The following OVCH1 variants were observed in gnomAD, a reference collection of about 807,000 sequenced individuals.
OVCH1 encodes ovochymase 1.
In OVCH1, 139 loss-of-function variants were observed where a neutral mutation model predicts 138.4. The observed-to-expected ratio is 1.00, with a 90% CI of 0.87 to 1.16. OVCH1 has a LOEUF of 1.16. Among genes scored for constraint, OVCH1 ranks in the 50% most tolerant of loss-of-function variants. OVCH1 has a pLI of 0.00. For missense variants in OVCH1, 1,367 were observed against 1,357.9 expected, an observed-to-expected ratio of 1.01 and a Z score of -0.11; for synonymous variants, 453 against 467.8, an observed-to-expected ratio of 0.97 and a Z score of 0.41.
chr12:29,492,331 A>G (rs1159251762), intron 4 of OVCH1, among the ~76,000 whole-genome samples: 1 of 148,300 alleles, frequency 6.7e-6, no homozygotes, highest in East Asian at 1.9e-4. Context: ...AGTTTCATAA[A>G]AAAAAAAAAT....
At chr12:29,495,516 T>C in intron 3 of OVCH1, 59 bp from the exon 4 acceptor site, 1 of 1,440,322 alleles carries the variant, frequency 6.9e-7, no homozygotes, top group Non-Finnish European at 9.5e-7. Context: ...GTCTTCTTGG[T>C]TTGATGTAAT....
At chr12:29,458,667 C>T (rs1226065869) in intron 19 of OVCH1, among the ~76,000 whole-genome samples, 1 of 152,140 alleles carries the variant, frequency 6.6e-6, no homozygotes, top group East Asian at 1.9e-4. Flanking sequence ...TGTTAAAAAT[C>T]TTCTGCACTG....
At chr12:29,476,138 G>A (rs747223788) in intron 13 of OVCH1, 68 bp downstream of exon 13, 138 of 1,280,918 alleles carry the variant, frequency 1.1e-4, no homozygotes, top group Non-Finnish European at 1.4e-4. Flanking sequence ...ACCCAAGGAA[G>A]CCAGCCCATG....
chr12:29,488,816 A>G (rs143354247), intron 6 of OVCH1, among the ~76,000 whole-genome samples: 356 of 152,162 alleles, frequency 2.3e-3, no homozygotes, highest in African/African-American at 8.0e-3. Flanking sequence ...CCAAAAAAGG[A>G]TTGCCTGTAA....
chr12:29,419,682 T>C (rs1347546536), intron 3 of OVCH1, among the ~76,000 whole-genome samples: 1 of 152,164 alleles, frequency 6.6e-6, no homozygotes, highest in African/African-American at 2.4e-5. Flanking sequence ...TATACACTTA[T>C]ATAATGGCCT....
Position 29,412,860 on chromosome 12 carries a change from CT to C in OVCH1, c.*72-136del, listed in dbSNP as rs541596958. On this transcript the variant is annotated intron_variant and NMD_transcript_variant, in intron 3 of 4. Coordinates refer to the OVCH1 transcript ENST00000539117. ...CTTTGACTTAACAGTAACCCCTACTCTTTTGGAAACAAAGTCTCACGCTGTC... is the reference window on the plus strand; with the variant it reads ...CTTTGACTTAACAGTAACCCCTACTCTTTGGAAACAAAGTCTCACGCTGTC... 9.2e-5 allele frequency: 14 copies of C among 152,300 alleles called. 1 individual carries two copies. The East Asian group carries it at 2.7e-3, about 29-fold the overall frequency. The allele number at this position is 152,300 out of a possible 1,614,324, so 9.4% of individuals were successfully genotyped here.
chr12:29,474,852 T>TAA (rs1405718082), intron 14 of OVCH1, among the ~76,000 whole-genome samples: 1 of 152,154 alleles, frequency 6.6e-6, no homozygotes, highest in African/African-American at 2.4e-5. Context: ...TCTTGAGCAT[T>TAA]AACTGAGGTG....
At chr12:29,431,501 C>CA (rs758926817) in intron 27 of OVCH1, among the ~76,000 whole-genome samples, 9 of 152,104 alleles carry the variant, frequency 5.9e-5, no homozygotes, top group Non-Finnish European at 1.3e-4. Flanking sequence ...GTAAATCTTG[C>CA]AAAGTCTTTC....
intron 3 of OVCH1, 101 bp downstream of exon 3, chr12:29,496,080 A>T (rs1456091091): frequency 7.3e-6 from 8 of 1,096,754 alleles, no homozygotes. Flanking sequence ...AGGCAAAAGT[A>T]AGAAAGGGAC....
At chr12:29,496,326 A>G in intron 2 of OVCH1, 48 bp from the exon 3 acceptor site, 3 of 1,431,870 alleles carry the variant, frequency 2.1e-6, no homozygotes, top group Non-Finnish European at 2.9e-6. Flanking sequence ...CTCCCCACAT[A>G]TGTATCTCCA....
At chr12:29,473,521 A>G (rs906769395) in intron 14 of OVCH1, among the ~76,000 whole-genome samples, 9 of 152,002 alleles carry the variant, frequency 5.9e-5, no homozygotes, top group Non-Finnish European at 8.8e-5. Context: ...TAGACCTAAG[A>G]CTTTTAGATA....
Position 29,496,176 on chromosome 12 carries a change from CT to C in OVCH1, c.281+4del. On this transcript the variant is annotated splice_donor_region_variant and intron_variant, in intron 3 of 27. Transcript: ENST00000318184. ...CCTGACAAGTAATGGAAATCCACAA[CT>C]TACTCACTGAGGCTGTCCAGGCAGT... 1 of 1,597,914 alleles carries C rather than the reference CT, an allele frequency of 6.3e-7. No homozygotes were observed. Among genetic ancestry groups the C allele is most frequent in the Non-Finnish European group, 8.5e-7 (1 of 1,170,418 alleles).
intron 8 of OVCH1, 34 bp downstream of exon 8, chr12:29,486,216 G>A (rs1346218962): frequency 6.4e-7 from 1 of 1,565,108 alleles, no homozygotes; most frequent in Non-Finnish European, 8.8e-7. Context: ...CTTTCTTCAA[G>A]TCAGCTTCCT....
At chr12:29,415,288 A>G (rs1053852447) in intron 3 of OVCH1, among the ~76,000 whole-genome samples, 2 of 152,208 alleles carry the variant, frequency 1.3e-5, no homozygotes, top group Non-Finnish European at 2.9e-5. Flanking sequence ...TGTAATGACG[A>G]CTGTGGATAT....
chr12:29,464,561 G>A (rs377369470), exon 18 of OVCH1: 1 of 1,613,592 alleles, frequency 6.2e-7, no homozygotes. Flanking sequence ...GAAAATAGAG[G>A]CTCTGCGCTG....
At chr12:29,446,486 T>C (rs890670413) in intron 22 of OVCH1, among the ~76,000 whole-genome samples, 1 of 152,086 alleles carries the variant, frequency 6.6e-6, no homozygotes, top group Non-Finnish European at 1.5e-5. Flanking sequence ...GAATAATATT[T>C]CTATTACAGT....
At chr12:29,433,461 CCT>C (rs1452054537) in intron 27 of OVCH1, among the ~76,000 whole-genome samples, 1 of 152,116 alleles carries the variant, frequency 6.6e-6, no homozygotes, top group Non-Finnish European at 1.5e-5. Context: ...GTCCATTAAC[CCT>C]CTTTTTCTTT....
intron 4 of OVCH1, among the ~76,000 whole-genome samples, chr12:29,493,103 A>G (rs1322403080): frequency 6.6e-6 from 1 of 152,202 alleles, no homozygotes; most frequent in African/African-American, 2.4e-5. Flanking sequence ...ACACCCAGCT[A>G]TGAGAATTGA....
chr12:29,487,693 C>G, exon 7 of OVCH1: 1 of 1,587,442 alleles, frequency 6.3e-7, no homozygotes. Context: ...ATTCACCTAC[C>G]TGTGAACAGG....
Sources: gnomAD v4.1 joint callset for allele counts (sites outside exome capture counted in the v4.1 genomes callset) on GRCh38, gnomAD v4.1.1 for gene constraint, MANE v1.5 for transcripts, NCBI Gene and HGNC (gene_info 2026-07-23, HGNC 2026-07-21) for gene names.